The following ACTN4 variants were observed in gnomAD, a reference collection of about 807,000 sequenced individuals.
ACTN4 encodes the protein actinin alpha 4, also known as alpha-actinin-4.
ACTN4 carries 18 observed loss-of-function variants against 114.2 expected under a neutral mutation model. That is an observed-to-expected ratio of 0.16 (90% CI 0.11 to 0.23). The LOEUF (loss-of-function observed/expected upper bound fraction) is 0.23, where lower values mean the gene tolerates loss of function less well. Ranked by LOEUF, ACTN4 falls within the 10% of genes least tolerant of loss-of-function variation. The probability of loss-of-function intolerance (pLI) is 1.00; values close to 1 mark genes in which losing one functional copy is unlikely to be tolerated. For missense variants in ACTN4, 722 were observed against 1,262.9 expected (o/e 0.57, Z 6.49); for synonymous variants, 515 against 506.3 (o/e 1.02, Z -0.23).
At chr19:38,721,438 T>C (rs1599852509) in intron 11 of ACTN4, 100 bp from the exon 12 acceptor site, 1 of 1,392,778 alleles carries the variant, frequency 7.2e-7, no homozygotes, top group Non-Finnish European at 1.0e-6. Context: ...GGATGTGGGG[T>C]CCACAGTCTC....
chr19:38,691,265 A>G (rs1967914276), intron 1 of ACTN4, among the ~76,000 whole-genome samples: 1 of 152,006 alleles, frequency 6.6e-6, no homozygotes, highest in African/African-American at 2.4e-5. Context: ...AAAATAAAAA[A>G]TTAGCCAGGC....
At chr19:38,723,812 C>A in intron 13 of ACTN4, 90 bp downstream of exon 13, 1 of 1,458,326 alleles carries the variant, frequency 6.9e-7, no homozygotes. Context: ...TGTGAGCTCC[C>A]CCCACCTCCC....
chr19:38,676,695 A>G (rs961221460), intron 1 of ACTN4, among the ~76,000 whole-genome samples: 3 of 152,112 alleles, frequency 2.0e-5, no homozygotes, highest in African/African-American at 7.2e-5. Context: ...GGAGCTTTTC[A>G]TCTCAGGAAG....
In ACTN4 at chr19:38,717,671, C is replaced by G. The variant is rs1266798438; in HGVS notation, c.1144-256C>G. Among the ~76,000 whole-genome samples, 1 of 152,200 alleles carries G rather than the reference C, an allele frequency of 6.6e-6. No individual in the cohort carries two copies. ...GAGGGGCAGTGCGCCCTGGACGGTA[C>G]CACCTCCCCATCTATGGTATTCATC... On this transcript the variant is annotated intron_variant, in intron 10 of 20. Coordinates refer to ENST00000252699, the MANE Select transcript of ACTN4 (RefSeq NM_004924.6). The surrounding 1 kb of genome is among the most constrained non-coding windows in gnomAD (Gnocchi z 4.0).
intron 6 of ACTN4, among the ~76,000 whole-genome samples, 200 bp downstream of exon 6, chr19:38,708,395 C>T (rs1228776832): frequency 1.3e-5 from 2 of 152,186 alleles, no homozygotes; most frequent in South Asian, 2.1e-4. Flanking sequence ...TTATTCCCCT[C>T]GTGGACTGTC....
intron 4 of ACTN4, 64 bp from the exon 5 acceptor site, chr19:38,705,980 A>G: frequency 6.4e-7 from 1 of 1,569,332 alleles, no homozygotes; most frequent in Non-Finnish European, 8.8e-7. Context: ...GTCCCATCCA[A>G]CTTGGGCTGA....
chr19:38,717,814 C>G lies in ACTN4; in HGVS notation c.1144-113C>G, dbSNP rs1004551127. 1.4e-6 allele frequency: 2 copies of G among 1,414,504 alleles called. No individual in the cohort carries two copies. The highest frequency in any genetic ancestry group is 1.9e-6 in the Non-Finnish European group (2 of 1,029,962). 87.6% of individuals were successfully genotyped at this position (1,414,504 alleles called of 1,614,324 possible). ...CCAGGTATAATAGCAAAGCATGACACAGACATGACCCCAGCCAAGTTCTGC... is the reference window on the plus strand; with the variant it reads ...CCAGGTATAATAGCAAAGCATGACAGAGACATGACCCCAGCCAAGTTCTGC... On this transcript the variant is annotated intron_variant, in intron 10 of 20. Transcript: ENST00000252699. The surrounding 1 kb of genome is among the most constrained non-coding windows in gnomAD (Gnocchi z 4.0).
chr19:38,716,917 GT>G (rs930190308), intron 9 of ACTN4, among the ~76,000 whole-genome samples, 168 bp from the exon 10 acceptor site: 75 of 152,278 alleles, frequency 4.9e-4, no homozygotes, highest in Admixed American at 4.9e-3. Context: ...AGAGTTCCAG[GT>G]TGGGGGTTCT....
rs1969561740 is a variant in ACTN4, at chr19:38,731,100, T to C, written c.*1668T>C. ...CCCATGCCCCACCATGCCGGGGTGG[T>C]ACTCACAGAAGATGCAGGTGAGGTG... On this transcript the variant is annotated 3_prime_UTR_variant, in exon 21 of 21. Transcript: ENST00000252699. 2 of 1,607,458 alleles carry C rather than the reference T, an allele frequency of 1.2e-6. No individual in the cohort carries two copies. The highest frequency in any genetic ancestry group is 1.7e-6 in the Non-Finnish European group (2 of 1,177,598).
At chr19:38,716,810 C>T (rs989176360) in intron 9 of ACTN4, among the ~76,000 whole-genome samples, 3 of 152,206 alleles carry the variant, frequency 2.0e-5, no homozygotes, top group Non-Finnish European at 2.9e-5. Context: ...GGTGACAAAG[C>T]GTGAACCTGT....
At chr19:38,669,999 C>T (rs570371366) in intron 1 of ACTN4, among the ~76,000 whole-genome samples, 49 of 152,182 alleles carry the variant, frequency 3.2e-4, no homozygotes, top group Non-Finnish European at 6.8e-4. Context: ...GCTGTTCACT[C>T]TTAGCGCCAA....
At chr19:38,716,048 C>G (rs972803254) in intron 9 of ACTN4, among the ~76,000 whole-genome samples, 1 of 152,024 alleles carries the variant, frequency 6.6e-6, no homozygotes, top group Non-Finnish European at 1.5e-5. Flanking sequence ...ATTACAGGCG[C>G]GCACCACCAC....
intron 3 of ACTN4, among the ~76,000 whole-genome samples, chr19:38,702,132 T>C (rs952461095): frequency 2.0e-5 from 3 of 152,246 alleles, no homozygotes; most frequent in Non-Finnish European, 4.4e-5. Flanking sequence ...CTTCTGCTTC[T>C]CACAGCTGCA....
chr19:38,678,197 G>A (rs1967438543), intron 1 of ACTN4, among the ~76,000 whole-genome samples: 1 of 152,230 alleles, frequency 6.6e-6, no homozygotes, highest in Non-Finnish European at 1.5e-5. Flanking sequence ...AAGACAAAGA[G>A]AAGGCCCTTG....
At chr19:38,691,429 A>C (rs1395353580) in intron 1 of ACTN4, among the ~76,000 whole-genome samples, 2 of 151,190 alleles carry the variant, frequency 1.3e-5, no homozygotes, top group Non-Finnish European at 2.9e-5. Context: ...AAAAACAAAA[A>C]AAAAAACCCA....
chr19:38,649,895 G>C (rs554692842), intron 1 of ACTN4, among the ~76,000 whole-genome samples: 1 of 152,256 alleles, frequency 6.6e-6, no homozygotes, highest in Admixed American at 6.5e-5. Flanking sequence ...AGTAACTGAG[G>C]GGCATGGCAG....
chr19:38,731,289 C>A lies in ACTN4; in HGVS notation c.*1857C>A, dbSNP rs1969585807. On this transcript the variant is annotated 3_prime_UTR_variant, in exon 21 of 21. Coordinates refer to ENST00000252699, the MANE Select transcript of ACTN4 (RefSeq NM_004924.6). Reference sequence around the variant, plus strand: ...ACCCACCTTGGCATTGCATCCCCACCCCACCTCCTCAGGGAGGACATGAAT... The same window carrying A: ...ACCCACCTTGGCATTGCATCCCCACACCACCTCCTCAGGGAGGACATGAAT... 1 of 1,236,170 alleles carries A rather than the reference C, an allele frequency of 8.1e-7. No individual in the cohort carries two copies. The highest frequency in any genetic ancestry group is 2.3e-5 in the East Asian group (1 of 43,034). 76.6% of individuals were successfully genotyped at this position (1,236,170 alleles called of 1,614,324 possible).
chr19:38,690,284 C>T (rs531944745), intron 1 of ACTN4, among the ~76,000 whole-genome samples: 6 of 152,368 alleles, frequency 3.9e-5, no homozygotes, highest in African/African-American at 1.4e-4. Context: ...CTGCTGTTCA[C>T]CGCCATCACA....
chr19:38,721,889 G>T (rs1460550523), intron 12 of ACTN4: 4 of 749,060 alleles, frequency 5.3e-6, no homozygotes, highest in Admixed American at 4.2e-5. Context: ...CCCCAGGTGG[G>T]ACACCTGAAG....
Sources: allele counts gnomAD v4.1 joint callset (sites outside exome capture counted in the v4.1 genomes callset), GRCh38; gene constraint gnomAD v4.1.1; non-coding constraint Gnocchi (gnomAD v3.1); transcripts MANE v1.5; gene names NCBI Gene and HGNC (gene_info 2026-07-23, HGNC 2026-07-21).